The following FAT4 variants were observed in gnomAD, a reference collection of about 807,000 sequenced individuals.
FAT4 encodes the protein FAT atypical cadherin 4.
Under a neutral mutation model 303.9 loss-of-function variants are expected in FAT4, and 84 were observed. That is an observed-to-expected ratio of 0.28 (90% CI 0.23 to 0.33). The LOEUF is 0.33. Ranked by LOEUF, FAT4 falls within the 10% of genes least tolerant of loss-of-function variation. The pLI is 1.00. For synonymous variants in FAT4, 2,307 were observed against 2,298.8 expected (o/e 1.00, Z -0.10); for missense variants, 6,005 against 6,146.8 (o/e 0.98, Z 0.77).
In FAT4 at chr4:125,490,920, C is replaced by A; in HGVS notation, c.14104C>A (p.Arg4702=). Residue 4702 remains arginine, a synonymous_variant, in exon 18 of 18, where the codon CGA becomes AGA. Coordinates refer to ENST00000394329, the MANE Select transcript of FAT4 (RefSeq NM_001291303.3). The stretch of plus-strand genomic sequence containing the variant: ...ATGCCCAACTCCCAACCCTCTGTCT[C>A]GACACAGTCCAGCCCCTTTCTCCAA... ...SACPTPNPLS[R]HSPAPFSKSS... 3.1e-6 allele frequency: 5 copies of A among 1,614,190 alleles called. No homozygotes were observed. Among genetic ancestry groups the A allele is most frequent in the Non-Finnish European group, 4.2e-6 (5 of 1,180,032 alleles).
intron 7 of FAT4, among the ~76,000 whole-genome samples, chr4:125,418,590 A>G (rs1234686289): frequency 6.6e-6 from 1 of 152,158 alleles, no homozygotes; most frequent in Non-Finnish European, 1.5e-5. Flanking sequence ...TTTTTCCTGT[A>G]GATAATTAAA....
intron 5 of FAT4, among the ~76,000 whole-genome samples, chr4:125,411,499 A>G (rs900507836): frequency 6.6e-6 from 1 of 151,858 alleles, no homozygotes; most frequent in Admixed American, 6.6e-5. Context: ...TTGGTGTACA[A>G]TACAGACCAT....
At chr4:125,467,596 T>C (rs1332490622) in intron 11 of FAT4, among the ~76,000 whole-genome samples, 3 of 152,206 alleles carry the variant, frequency 2.0e-5, no homozygotes, top group Non-Finnish European at 1.5e-5. Flanking sequence ...CAGACAGCTA[T>C]TTTAAAGTAG....
rs1578515728 is a variant in FAT4, at chr4:125,319,101, T to C, written c.2690T>C (p.Ile897Thr). The C allele has an allele frequency of 1.2e-6, 2 of 1,614,092 alleles. No individual in the cohort carries two copies. Among genetic ancestry groups the C allele is most frequent in the Non-Finnish European group, 8.5e-7 (1 of 1,180,002 alleles). The change falls in exon 2 of 18, where the codon ATA becomes ACA. Residue 897 changes from isoleucine (I) to threonine (T), a missense_variant. Ile to Thr is a moderately conservative substitution (Grantham distance 89). Coordinates refer to ENST00000394329, the MANE Select transcript of FAT4 (RefSeq NM_001291303.3). ...AACTCTCCCCATTTCCTTCAGGCAA[T>C]AGAGAGTGTAAATGTGGTGGAGAAT... ...NDNSPHFLQA[I>T]ESVNVVENWQ...
chr4:125,369,346 C>G (rs1363194598), intron 2 of FAT4, among the ~76,000 whole-genome samples: 1 of 152,114 alleles, frequency 6.6e-6, no homozygotes, highest in Non-Finnish European at 1.5e-5. Flanking sequence ...GCAGGAGAAT[C>G]ACTTTAACCC....
chr4:125,408,739 G>C lies in FAT4; in HGVS notation c.5865G>C (p.Glu1955Asp). ...ATTCATACAGCACATCTTTAATGGA[G>C]AATCTACCTGTGGGATCTACTGTTC... is the stretch of plus-strand genomic sequence containing the variant. ...SLNSYSTSLM[E>D]NLPVGSTVLV... The change falls in exon 5 of 18, where the codon GAG becomes GAC. Residue 1955 changes from glutamate to aspartate, a missense_variant. Glu to Asp is a conservative substitution (Grantham distance 45). Transcript: ENST00000394329. The C allele has an allele frequency of 1.9e-6, 3 of 1,607,220 alleles. No individual in the cohort carries two copies. The highest frequency in any genetic ancestry group is 2.6e-6 in the Non-Finnish European group (3 of 1,176,188).
At chr4:125,384,592 C>T (rs1733664615) in intron 2 of FAT4, among the ~76,000 whole-genome samples, 1 of 151,942 alleles carries the variant, frequency 6.6e-6, no homozygotes, top group Non-Finnish European at 1.5e-5. Context: ...AATGTTTTCT[C>T]CCATTCTGTG....
intron 3 of FAT4, among the ~76,000 whole-genome samples, chr4:125,400,085 G>A (rs1404141227): frequency 1.3e-5 from 2 of 151,754 alleles, no homozygotes; most frequent in African/African-American, 4.8e-5. Flanking sequence ...ATTGGCATAG[G>A]ACAATTGACA....
chr4:125,416,762 A>G (rs1735091210), intron 7 of FAT4, 140 bp downstream of exon 7: 2 of 716,866 alleles, frequency 2.8e-6, no homozygotes, highest in South Asian at 1.8e-5. Flanking sequence ...CCTGACCAAC[A>G]TGGTGAAACC....
At chr4:125,486,913 A>G (rs1466563070) in intron 16 of FAT4, among the ~76,000 whole-genome samples, 2 of 152,152 alleles carry the variant, frequency 1.3e-5, no homozygotes, top group Non-Finnish European at 2.9e-5. Context: ...TTAGCTGAGC[A>G]TTCTTTTTCT....
intron 2 of FAT4, among the ~76,000 whole-genome samples, chr4:125,343,881 A>C (rs1731893925): frequency 6.6e-6 from 1 of 152,214 alleles, no homozygotes; most frequent in Non-Finnish European, 1.5e-5. Flanking sequence ...AAGCATATTT[A>C]ATCCAGGCCT....
chr4:125,481,629 C>T lies in FAT4; in HGVS notation c.12713C>T (p.Ala4238Val), dbSNP rs183396105. Reference protein sequence around the residue: ...EYLLRQSLRGAMLEPFGVNSL... With the variant: ...EYLLRQSLRGVMLEPFGVNSL... ...TTGTTAAGGCAAAGCTTACGAGGTG[C>T]CATGTTGGAGCCTTTTGGTGTGAAC... is the stretch of plus-strand genomic sequence containing the variant. The change falls in exon 16 of 18, where the codon GCC becomes GTC. Residue 4238 changes from alanine (A) to valine (V), a missense_variant. Ala to Val is a moderately conservative substitution (Grantham distance 64, BLOSUM62 0). Coordinates refer to ENST00000394329, the MANE Select transcript of FAT4 (RefSeq NM_001291303.3). 1.5e-4 allele frequency: 236 copies of T among 1,613,998 alleles called. 5 individuals carry two copies. In the Admixed American group the frequency reaches 3.9e-3, roughly 26 times the overall value.
rs370316723 is a variant in FAT4 at position 125,415,710 on chromosome 4, A to C, written c.6747A>C (p.Leu2249=). The part of the protein sequence containing the change: ...RTDTSTVSIV[L]LDINDFVPVF... ...ATACCTCCACGGTCAGCATTGTTCT[A>C]CTGGATATTAATGACTTTGTTCCTG... The change falls in exon 6 of 18, where the codon CTA becomes CTC. Residue 2249 remains leucine, a synonymous_variant. Transcript: ENST00000394329. The C allele has an allele frequency of 1.9e-6, 3 of 1,614,006 alleles. No homozygotes were observed. Among genetic ancestry groups the C allele is most frequent in the Non-Finnish European group, 2.5e-6 (3 of 1,179,934 alleles).
At chr4:125,446,107 C>A in intron 8 of FAT4, 186 bp from the exon 9 acceptor site, 1 of 521,314 alleles carries the variant, frequency 1.9e-6, no homozygotes, top group Non-Finnish European at 3.4e-6. Context: ...TAAAGACTGT[C>A]AATGTGATGT....
rs76875709 is a variant in FAT4 at position 125,325,307 on chromosome 4, A to C, written c.5175+3721A>C. Among the ~76,000 whole-genome samples, 1,435 of 152,256 alleles carry C rather than the reference A, an allele frequency of 9.4e-3. 6 individuals are homozygous for C. The highest frequency in any genetic ancestry group is 0.017 in the Middle Eastern group (5 of 294). On this transcript the variant is annotated intron_variant, in intron 2 of 17. Coordinates refer to ENST00000394329, the MANE Select transcript of FAT4 (RefSeq NM_001291303.3). ...CATTTCAAAATTATTGGTGTAACTG[A>C]TAAGGAATTTATCATAAAAGTCTTT...
intron 12 of FAT4, 110 bp downstream of exon 12, chr4:125,468,929 T>C (rs1421449851): frequency 1.7e-6 from 2 of 1,187,948 alleles, no homozygotes; most frequent in East Asian, 2.4e-5. Flanking sequence ...ATGAACACTT[T>C]AGTTATGAAA....
At position 125,446,536 on chromosome 4, in the gene FAT4, T is replaced by C. The variant is rs755460173; in HGVS notation, c.7443T>C (p.Thr2481=). 1 of 1,606,510 alleles carries C rather than the reference T, an allele frequency of 6.2e-7. No homozygotes were observed. The highest frequency in any genetic ancestry group is 8.5e-7 in the Non-Finnish European group (1 of 1,174,114). Residue 2481 remains threonine (T), a synonymous_variant, in exon 9 of 18, where the codon ACT becomes ACC. Coordinates refer to ENST00000394329, the MANE Select transcript of FAT4 (RefSeq NM_001291303.3). ...ATGTCACTCACATCCCATCTCCTAC[T>C]CTTCCAGGTAATCAACCAAATTCTG... is the stretch of plus-strand genomic sequence containing the variant. ...HPYVTHIPSP[T]LPGSFVFAVT...
chr4:125,433,264 A>G (rs1162299962), intron 7 of FAT4, among the ~76,000 whole-genome samples: 4 of 152,238 alleles, frequency 2.6e-5, no homozygotes, highest in Non-Finnish European at 4.4e-5. Flanking sequence ...AAAGTTAAGT[A>G]GAATTTAAAT....
At chr4:125,334,402 A>G (rs1384257315) in intron 2 of FAT4, among the ~76,000 whole-genome samples, 1 of 152,036 alleles carries the variant, frequency 6.6e-6, no homozygotes, top group African/African-American at 2.4e-5. Context: ...AAGATCCTGG[A>G]TCCACCAACA....
Sources: gnomAD v4.1 joint callset for allele counts (sites outside exome capture counted in the v4.1 genomes callset) on GRCh38, gnomAD v4.1.1 for gene constraint, MANE v1.5 for transcripts, NCBI Gene and HGNC (gene_info 2026-07-23, HGNC 2026-07-21) for gene names.